Variants in ITPR1 observed in about 807,000 individuals in gnomAD.
ITPR1 encodes inositol 1,4,5-trisphosphate-gated calcium channel ITPR1.
ITPR1 carries 96 observed loss-of-function variants against 318.4 expected under a neutral mutation model. The observed-to-expected ratio is 0.30, with a 90% CI of 0.26 to 0.36. The LOEUF is 0.36. Ranked by LOEUF, ITPR1 falls within the 10% of genes least tolerant of loss-of-function variation. The probability of loss-of-function intolerance (pLI) is 1.00; values close to 1 mark genes in which losing one functional copy is unlikely to be tolerated. For synonymous variants in ITPR1, 1,312 were observed against 1,289.9 expected (o/e 1.02, Z -0.37); for missense variants, 2,440 against 3,460.2 (o/e 0.71, Z 7.40).
Position 4,550,139 on chromosome 3 carries a change from G to A in ITPR1, c.163+29045G>A, listed in dbSNP as rs550387739. On this transcript the variant is annotated intron_variant, in intron 4 of 61. Coordinates refer to ENST00000649015, the MANE Select transcript of ITPR1 (RefSeq NM_001378452.1). Reference sequence around the variant, plus strand: ...GCAAGTTGTCTGCTAACAGCTTGGCGCATGCCAGAAAGCTATTCTCGGTGG... The same window carrying A: ...GCAAGTTGTCTGCTAACAGCTTGGCACATGCCAGAAAGCTATTCTCGGTGG... 9.9e-5 allele frequency among the ~76,000 whole-genome samples: 15 copies of A among 151,120 alleles called. No individual in the cohort carries two copies. In the South Asian group the frequency reaches 2.1e-3, roughly 21 times the overall value.
At chr3:4,833,805 C>CCAAT (rs745605059) in intron 60 of ITPR1, among the ~76,000 whole-genome samples, 2 of 152,228 alleles carry the variant, frequency 1.3e-5, no homozygotes, top group Admixed American at 1.3e-4. Context: ...AGGATTTTAG[C>CCAAT]CAATCAATCA....
chr3:4,764,688 G>C (rs1302845992), intron 44 of ITPR1, among the ~76,000 whole-genome samples: 1 of 152,226 alleles, frequency 6.6e-6, no homozygotes, highest in Non-Finnish European at 1.5e-5. Flanking sequence ...GCTGTGGGAA[G>C]AGCTAGGAAT....
chr3:4,720,802 G>GT (rs1298957257), intron 40 of ITPR1, among the ~76,000 whole-genome samples: 1 of 150,068 alleles, frequency 6.7e-6, no homozygotes, highest in African/African-American at 2.4e-5. Flanking sequence ...AGGTAGAGGG[G>GT]GAAACAGGAG....
intron 4 of ITPR1, among the ~76,000 whole-genome samples, chr3:4,545,441 G>C (rs1205542509): frequency 1.3e-5 from 2 of 151,984 alleles, no homozygotes; most frequent in Non-Finnish European, 2.9e-5. Context: ...TGGGCAACAA[G>C]GTGAGACTCC....
chr3:4,560,473 G>T (rs1429602541), intron 4 of ITPR1, among the ~76,000 whole-genome samples: 1 of 152,048 alleles, frequency 6.6e-6, no homozygotes, highest in African/African-American at 2.4e-5. Flanking sequence ...AAGAAAGAAG[G>T]AAAAACCAAA....
At chr3:4,713,947 A>C (rs145605344) in intron 39 of ITPR1, among the ~76,000 whole-genome samples, 1 of 152,194 alleles carries the variant, frequency 6.6e-6, no homozygotes, top group African/African-American at 2.4e-5. Flanking sequence ...CCAAACCTGC[A>C]AGACTTGTCG....
At chr3:4,507,789 C>G (rs1485329128) in intron 2 of ITPR1, among the ~76,000 whole-genome samples, 1 of 152,134 alleles carries the variant, frequency 6.6e-6, no homozygotes, top group Non-Finnish European at 1.5e-5. Context: ...GAAGTTGTGT[C>G]CTACAATAGA....
At chr3:4,732,232 A>G (rs1366621887) in intron 42 of ITPR1, among the ~76,000 whole-genome samples, 1 of 152,188 alleles carries the variant, frequency 6.6e-6, no homozygotes, top group African/African-American at 2.4e-5. Flanking sequence ...GGTTAGAGTA[A>G]TAACAAAGAG....
At chr3:4,683,363 T>C in intron 26 of ITPR1, 23 bp from the exon 27 acceptor site, 1 of 1,613,920 alleles carries the variant, frequency 6.2e-7, no homozygotes, top group Non-Finnish European at 8.5e-7. Context: ...CATTTGGCCT[T>C]TCCCCACCTT....
intron 2 of ITPR1, among the ~76,000 whole-genome samples, chr3:4,507,480 G>T (rs1326275638): frequency 6.6e-6 from 1 of 152,186 alleles, no homozygotes; most frequent in Non-Finnish European, 1.5e-5. Flanking sequence ...AGAAAAAAAT[G>T]CATGGGGATA....
intron 4 of ITPR1, among the ~76,000 whole-genome samples, chr3:4,549,300 A>G (rs2085325729): frequency 1.3e-5 from 2 of 152,200 alleles, no homozygotes; most frequent in South Asian, 2.1e-4. Context: ...CATTGCACAT[A>G]ATTTAGAGAC....
intron 4 of ITPR1, among the ~76,000 whole-genome samples, chr3:4,603,403 T>TTTTCA (rs2091445766): frequency 7.6e-6 from 1 of 132,012 alleles, no homozygotes. Flanking sequence ...ATGTACCACA[T>TTTTCA]TTTCTTTTCT....
intron 4 of ITPR1, among the ~76,000 whole-genome samples, chr3:4,544,356 A>G (rs1044202400): frequency 6.6e-6 from 1 of 152,222 alleles, no homozygotes. Context: ...CAGTACAGGT[A>G]ATGTAACTAT....
intron 4 of ITPR1, among the ~76,000 whole-genome samples, chr3:4,627,560 A>T (rs9828379): frequency 3.9e-5 from 6 of 152,114 alleles, no homozygotes; most frequent in African/African-American, 1.4e-4. Context: ...CAATCGACTC[A>T]CTTTCTTTAA....
chr3:4,527,067 T>A (rs888366329), intron 4 of ITPR1, among the ~76,000 whole-genome samples: 11 of 152,274 alleles, frequency 7.2e-5, no homozygotes, highest in African/African-American at 2.6e-4. Flanking sequence ...GCGCATCTAT[T>A]TGGTACCTGA....
rs1021219827 is a variant in ITPR1 at position 4,768,662 on chromosome 3, C to A, written c.5877C>A (p.Asp1959Glu). ...QPGEGTQATA[D>E]KAKDDLEMSA... is the part of the protein sequence containing the mutation. Reference sequence around the variant, plus strand: ...GAGAGGGCACCCAGGCCACTGCCGACAAGGCCAAGGACGACCTGGAGATGA... The same window carrying A: ...GAGAGGGCACCCAGGCCACTGCCGAAAAGGCCAAGGACGACCTGGAGATGA... The change falls in exon 46 of 62, where the codon GAC becomes GAA. Residue 1959 changes from aspartate to glutamate, a missense_variant. By Grantham distance (45) the Asp-to-Glu change is conservative (BLOSUM62 2). Coordinates refer to ENST00000649015, the MANE Select transcript of ITPR1 (RefSeq NM_001378452.1). 1 of 1,613,980 alleles carries A rather than the reference C, an allele frequency of 6.2e-7. No homozygotes were observed. Among genetic ancestry groups the A allele is most frequent in the Admixed American group, 1.7e-5 (1 of 60,026 alleles).
intron 61 of ITPR1, among the ~76,000 whole-genome samples, chr3:4,845,012 G>A (rs2051654136): frequency 6.6e-6 from 1 of 152,200 alleles, no homozygotes; most frequent in South Asian, 2.1e-4. Context: ...CATCTACTAT[G>A]TGACAGATGC....
chr3:4,510,309 T>C (rs543828146), intron 2 of ITPR1, among the ~76,000 whole-genome samples: 1 of 152,050 alleles, frequency 6.6e-6, no homozygotes, highest in African/African-American at 2.4e-5. Flanking sequence ...CAAAGAGATG[T>C]TGGAAGGTTT....
chr3:4,508,492 A>G (rs2081557680), intron 2 of ITPR1, among the ~76,000 whole-genome samples: 1 of 145,318 alleles, frequency 6.9e-6, no homozygotes, highest in African/African-American at 2.6e-5. Context: ...AATGTAATGC[A>G]ATTAGTTAAG....
Sources: allele counts gnomAD v4.1 joint callset (sites outside exome capture counted in the v4.1 genomes callset), GRCh38; gene constraint gnomAD v4.1.1; transcripts MANE v1.5; gene names NCBI Gene and HGNC (gene_info 2026-07-23, HGNC 2026-07-21).